Variants in SH2B1 observed in about 807,000 individuals in gnomAD.
The protein encoded by SH2B1 is SH2B adapter protein 1.
In SH2B1, 15 loss-of-function variants were observed where a neutral mutation model predicts 62.6. The ratio of observed to expected loss-of-function variants is 0.24; its 90% CI spans 0.16 to 0.37. The LOEUF is 0.37. SH2B1 is among the 10% of genes least tolerant of loss of function. The pLI, the probability that SH2B1 is intolerant of heterozygous loss-of-function variation, is 1.00. For synonymous variants in SH2B1, 443 were observed against 438.0 expected (o/e 1.01, Z -0.14); for missense variants, 925 against 1,015.6 (o/e 0.91, Z 1.21).
At position 28,872,163 on chromosome 16, in the gene SH2B1, G is replaced by C; in HGVS notation, c.1514-27G>C. On this transcript the variant is annotated intron_variant, in intron 5 of 7. Transcript: ENST00000684370. The surrounding 1 kb of genome is among the most constrained non-coding windows in gnomAD (Gnocchi z 5.3). ...TGGGGGAGGCTGCCCTGACACCCCG[G>C]TTTCCCTCCCTCTCTCCTTCCTGAA... 6.2e-7 allele frequency: 1 copy of C among 1,600,828 alleles called. No individual in the cohort carries two copies.
At chr16:28,852,926 T>A (rs1292794111) in intron 1 of SH2B1, among the ~76,000 whole-genome samples, 1 of 40,816 alleles carries the variant, frequency 2.5e-5, no homozygotes, top group South Asian at 8.0e-4. Context: ...ATATATATAT[T>A]TTTATATATA....
chr16:28,869,052 A>T lies in SH2B1; in HGVS notation c.1088A>T (p.His363Leu), dbSNP rs1463719713. Residue 363 changes from histidine (H) to leucine (L), a missense_variant, in exon 3 of 8, where the codon CAT becomes CTT. Coordinates refer to ENST00000684370, the MANE Select transcript of SH2B1 (RefSeq NM_001387430.1). ...EYIMETVDAQ[H>L]VKAWVSDIQE... ...ATCATGGAGACAGTGGATGCCCAGC[A>T]TGTGAAGGCCTGGGTGTCTGACATC... 4.3e-6 allele frequency: 7 copies of T among 1,614,032 alleles called. No homozygotes were observed. The East Asian group carries it at 1.6e-4, about 36-fold the overall frequency.
rs1435180744 is a variant in SH2B1 at position 28,852,974 on chromosome 16, CAT to C, written c.-301+6154_-301+6155del. 6.1e-5 allele frequency among the ~76,000 whole-genome samples: 3 copies of C among 49,250 alleles called. 1 individual carries two copies. The highest frequency in any genetic ancestry group is 1.5e-4 in the African/African-American group (2 of 13,650). The allele number at this position is 49,250 out of a possible 152,430, so 32.3% of individuals were successfully genotyped here. ...TTTTATATATGTACATATATATGTA[CAT>C]ATATATTTTATATGTACATATATAT... On this transcript the variant is annotated intron_variant, in intron 1 of 10. Coordinates refer to the SH2B1 transcript ENST00000322610.
chr16:28,855,200 T>G (rs528810624), intron 1 of SH2B1, among the ~76,000 whole-genome samples: 2 of 151,522 alleles, frequency 1.3e-5, no homozygotes, highest in African/African-American at 4.8e-5. Context: ...CACTTTCGTT[T>G]TGCAAACATT....
At chr16:28,854,899 A>AGAGTC (rs1962284983) in intron 1 of SH2B1, among the ~76,000 whole-genome samples, 1 of 152,168 alleles carries the variant, frequency 6.6e-6, no homozygotes, top group Admixed American at 6.6e-5. Flanking sequence ...GTTTTGAGAC[A>AGAGTC]GAGTCTCGTT....
intron 1 of SH2B1, among the ~76,000 whole-genome samples, chr16:28,858,329 G>A (rs1162772258): frequency 3.9e-5 from 6 of 151,918 alleles, no homozygotes; most frequent in African/African-American, 9.7e-5. Context: ...CCTGGCCAAC[G>A]TGGTGAAACC....
chr16:28,872,881 T>G lies in SH2B1; in HGVS notation c.1897+176T>G. 3 of 849,706 alleles carry G rather than the reference T, an allele frequency of 3.5e-6. No individual in the cohort carries two copies. Among genetic ancestry groups the G allele is most frequent in the East Asian group, 2.7e-5 (1 of 37,632 alleles). 52.6% of individuals were successfully genotyped at this position (849,706 alleles called of 1,614,324 possible). On this transcript the variant is annotated intron_variant, in intron 7 of 7. Transcript: ENST00000684370. This position sits in a 1 kb window ranked among gnomAD's most constrained non-coding sequence, Gnocchi z 5.3. ...TTTGGAAGGGAAAGAAATGCGCTGA[T>G]AGGACACAGGAAGGCAGAAGGCTCC...
intron 1 of SH2B1, among the ~76,000 whole-genome samples, chr16:28,855,628 C>CTTT (rs1555510471): frequency 7.2e-6 from 1 of 138,484 alleles, no homozygotes; most frequent in Non-Finnish European, 1.6e-5. Flanking sequence ...GCACTAAGAA[C>CTTT]TTATTTATTT....
In SH2B1 at chr16:28,872,869, G is replaced by T; in HGVS notation, c.1897+164G>T. 1 of 954,418 alleles carries T rather than the reference G, an allele frequency of 1.0e-6. No homozygotes were observed. Among genetic ancestry groups the T allele is most frequent in the South Asian group, 1.5e-5 (1 of 66,518 alleles). The allele number at this position is 954,418 out of a possible 1,614,324, so 59.1% of individuals were successfully genotyped here. A position where few individuals can be genotyped will look rare whatever the true frequency, so the allele number is the denominator to read the frequency against. ...TGTGCCTCGGGGTTTGGAAGGGAAA[G>T]AAATGCGCTGATAGGACACAGGAAG... On this transcript the variant is annotated intron_variant, in intron 7 of 7. Coordinates refer to ENST00000684370, the MANE Select transcript of SH2B1 (RefSeq NM_001387430.1). The surrounding 1 kb of genome is among the most constrained non-coding windows in gnomAD (Gnocchi z 5.3).
In SH2B1 at chr16:28,865,112, T is replaced by A; in HGVS notation, c.-983T>A. 5.1e-6 allele frequency: 5 copies of A among 985,568 alleles called. No individual in the cohort carries two copies. Among genetic ancestry groups the A allele is most frequent in the Non-Finnish European group, 6.0e-6 (5 of 829,962 alleles). 61.1% of individuals were successfully genotyped at this position (985,568 alleles called of 1,614,324 possible). A position where few individuals can be genotyped will look rare whatever the true frequency, so the allele number is the denominator to read the frequency against. On this transcript the variant is annotated 5_prime_UTR_variant, in exon 1 of 8. Coordinates refer to ENST00000684370, the MANE Select transcript of SH2B1 (RefSeq NM_001387430.1). ...CCTGCCTTTAGGGCATACTCCCCAG[T>A]GGGAGAAGAGGAAGGTGAAAAATCC...
chr16:28,853,402 A>G (rs1263372375), intron 1 of SH2B1, among the ~76,000 whole-genome samples: 3 of 149,726 alleles, frequency 2.0e-5, no homozygotes, highest in Non-Finnish European at 4.4e-5. Context: ...ACGAGGTTTC[A>G]CCATTCTGGC....
Position 28,872,950 on chromosome 16 carries a change from C to G in SH2B1, c.1897+245C>G. On this transcript the variant is annotated intron_variant, in intron 7 of 7. Coordinates refer to ENST00000684370, the MANE Select transcript of SH2B1 (RefSeq NM_001387430.1). The surrounding 1 kb of genome is among the most constrained non-coding windows in gnomAD (Gnocchi z 5.3). ...CAGCTGAGAGGTGGGCGGGCGCATC[C>G]CCATTCCATCGGATCCTCTGTTCCA... is the stretch of plus-strand genomic sequence containing the variant. 1 of 641,742 alleles carries G rather than the reference C, an allele frequency of 1.6e-6. No individual in the cohort carries two copies. The highest frequency in any genetic ancestry group is 2.7e-6 in the Non-Finnish European group (1 of 369,286). 39.8% of individuals were successfully genotyped at this position (641,742 alleles called of 1,614,324 possible).
Position 28,852,984 on chromosome 16 carries a change from T to TTA in SH2B1, c.-301+6161_-301+6162dup, listed in dbSNP as rs372420298. On this transcript the variant is annotated intron_variant, in intron 1 of 10. Coordinates refer to the SH2B1 transcript ENST00000322610. The stretch of plus-strand genomic sequence containing the variant: ...GTACATATATATGTACATATATATT[T>TTA]TATATGTACATATATATGTACATAT... Among the ~76,000 whole-genome samples the TTA allele has an allele frequency of 3.8e-3, 97 of 25,646 alleles. 2 individuals carry two copies. Among genetic ancestry groups the TTA allele is most frequent in the South Asian group, 0.034 (8 of 238 alleles). 16.8% of individuals were successfully genotyped at this position (25,646 alleles called of 152,430 possible).
At position 28,863,891 on chromosome 16, in the gene SH2B1, G is replaced by A; in HGVS notation, c.-2204G>A. The A allele has an allele frequency of 6.7e-7, 1 of 1,488,430 alleles. No individual in the cohort carries two copies. Among genetic ancestry groups the A allele is most frequent in the Non-Finnish European group, 8.9e-7 (1 of 1,124,854 alleles). The allele number at this position is 1,488,430 out of a possible 1,614,324, so 92.2% of individuals were successfully genotyped here. On this transcript the variant is annotated 5_prime_UTR_variant, in exon 1 of 8. Coordinates refer to ENST00000684370, the MANE Select transcript of SH2B1 (RefSeq NM_001387430.1). ...GTAGTGGGTGGGGGCGCAGGGAGCG[G>A]GAGCCGCCGCCGCCGCCGCCGCCGC...
Position 28,866,638 on chromosome 16 carries a change from G to T in SH2B1, c.544G>T (p.Ala182Ser), listed in dbSNP as rs558967163. The T allele has an allele frequency of 8.7e-6, 14 of 1,613,244 alleles. No homozygotes were observed. Among genetic ancestry groups the T allele is most frequent in the South Asian group, 3.3e-5 (3 of 91,012 alleles). The change falls in exon 1 of 8, where the codon GCT becomes TCT. Residue 182 changes from alanine to serine, a missense_variant. Ala to Ser is a moderately conservative substitution (Grantham distance 99, BLOSUM62 1). Transcript: ENST00000684370. This position sits in a 1 kb window ranked among gnomAD's most constrained non-coding sequence, Gnocchi z 6.3. Reference sequence around the variant, plus strand: ...GGGGACCGTTGACCCTCCCTCCTCCGCTGGGCCCCTGGAGACCTCGTCAGG... The same window carrying T: ...GGGGACCGTTGACCCTCCCTCCTCCTCTGGGCCCCTGGAGACCTCGTCAGG... ...WRGTVDPPSS[A>S]GPLETSSGPP...
At position 28,872,210 on chromosome 16, in the gene SH2B1, G is replaced by A. The variant is rs1221291956; in HGVS notation, c.1534G>A (p.Glu512Lys). The change falls in exon 6 of 8, where the codon GAG becomes AAG. Residue 512 changes from glutamate to lysine, a missense_variant. Physicochemically the swap from Glu to Lys is moderately conservative, Grantham distance 56. Around this residue, in one of 3 missense-constraint regions of SH2B1, gnomAD observed 683 missense variants for 704.0 expected, o/e 0.97. Transcript: ENST00000684370. The surrounding 1 kb of genome is among the most constrained non-coding windows in gnomAD (Gnocchi z 5.3). ...TATGSFLFQG[E>K]PEGGEGDQPL... ...TGAAGGGTCCTTCCTGTTCCAGGGGGAGCCAGAGGGCGGTGAGGGGGACCA... is the reference window on the plus strand; with the variant it reads ...TGAAGGGTCCTTCCTGTTCCAGGGGAAGCCAGAGGGCGGTGAGGGGGACCA... 2 of 1,613,392 alleles carry A rather than the reference G, an allele frequency of 1.2e-6. No homozygotes were observed. The highest frequency in any genetic ancestry group is 1.1e-5 in the South Asian group (1 of 91,064).
chr16:28,852,247 CATATATATATTT>C (rs1962122163), intron 1 of SH2B1, among the ~76,000 whole-genome samples: 1 of 63,284 alleles, frequency 1.6e-5, no homozygotes, highest in Non-Finnish European at 2.7e-5. Context: ...TATATATTTA[CATATATATATTT>C]ACATATATAT....
At chr16:28,853,694 A>C (rs1161889960) in intron 1 of SH2B1, among the ~76,000 whole-genome samples, 1 of 151,546 alleles carries the variant, frequency 6.6e-6, no homozygotes, top group Non-Finnish European at 1.5e-5. Context: ...CAGCAGCCAG[A>C]TCAGTCTTTA....
rs1316782705 is a variant in SH2B1 at position 28,872,540 on chromosome 16, C to T, written c.1732C>T (p.Arg578Cys). The change falls in exon 7 of 8, where the codon CGT becomes TGT. Residue 578 changes from arginine (R) to cysteine (C), a missense_variant. This residue lies in a region of SH2B1 where 57 missense variants were observed against 122.1 expected (regional missense o/e 0.47). Coordinates refer to ENST00000684370, the MANE Select transcript of SH2B1 (RefSeq NM_001387430.1). The surrounding 1 kb of genome is among the most constrained non-coding windows in gnomAD (Gnocchi z 5.3). ...FNFQGKAKHL[R>C]LSLNEEGQCR... ...TCCCCCATCCCGCCCTCAGCACCTG[C>T]GTTTGTCGCTGAACGAGGAGGGTCA... 1.2e-6 allele frequency: 2 copies of T among 1,609,914 alleles called. No homozygotes were observed. The highest frequency in any genetic ancestry group is 1.7e-6 in the Non-Finnish European group (2 of 1,176,624).
Sources: gnomAD v4.1 joint callset for allele counts (sites outside exome capture counted in the v4.1 genomes callset) on GRCh38, gnomAD v4.1.1 for gene constraint, gnomAD v4.1.1 regional missense constraint, Gnocchi (gnomAD v3.1) non-coding constraint, MANE v1.5 for transcripts, NCBI Gene and HGNC (gene_info 2026-07-23, HGNC 2026-07-21) for gene names.